The following C8orf34 variants were observed in gnomAD, a reference collection of about 807,000 sequenced individuals.
C8orf34 encodes the protein chromosome 8 open reading frame 34.
C8orf34 carries 65 observed loss-of-function variants against 68.3 expected under a neutral mutation model. The observed-to-expected ratio is 0.95, with a 90% CI of 0.78 to 1.17. The LOEUF is 1.17. Among genes scored for constraint, C8orf34 ranks in the 50% most tolerant of loss-of-function variants. The pLI is 0.00. For synonymous variants in C8orf34, 244 were observed against 241.2 expected (o/e 1.01, Z -0.11); for missense variants, 664 against 655.4 (o/e 1.01, Z -0.14).
intron 7 of C8orf34, among the ~76,000 whole-genome samples, chr8:68,615,523 C>A (rs999924885): frequency 6.6e-6 from 1 of 152,110 alleles, no homozygotes; most frequent in African/African-American, 2.4e-5. Flanking sequence ...TTGTCAAAGG[C>A]CTTTTCTGCA....
intron 7 of C8orf34, among the ~76,000 whole-genome samples, chr8:68,596,719 G>T (rs1005979968): frequency 2.6e-5 from 4 of 152,254 alleles, no homozygotes; most frequent in Middle Eastern, 3.4e-3. Context: ...GGGGCTGGAA[G>T]TAAACCTGCA....
intron 1 of C8orf34, among the ~76,000 whole-genome samples, chr8:68,388,069 T>C (rs567705579): frequency 3.3e-4 from 51 of 152,272 alleles, no homozygotes; most frequent in African/African-American, 1.2e-3. Context: ...TTTCCACTGA[T>C]CTTTTCCAAT....
chr8:68,596,122 T>C (rs1257092911), intron 7 of C8orf34, among the ~76,000 whole-genome samples: 1 of 152,138 alleles, frequency 6.6e-6, no homozygotes, highest in African/African-American at 2.4e-5. Flanking sequence ...TTAGGATTTC[T>C]TTCTCTATTA....
intron 1 of C8orf34, among the ~76,000 whole-genome samples, chr8:68,409,751 C>T (rs548511473): frequency 2.0e-4 from 30 of 152,328 alleles, no homozygotes; most frequent in Non-Finnish European, 3.8e-4. Flanking sequence ...TCGCCACTCA[C>T]TCACTGACTC....
At chr8:68,530,662 T>C in intron 6 of C8orf34, 1 of 1,162,150 alleles carries the variant, frequency 8.6e-7, no homozygotes, top group African/African-American at 1.6e-5. Context: ...TAAATAAACT[T>C]CTTCCTTCCA....
intron 7 of C8orf34, among the ~76,000 whole-genome samples, chr8:68,627,884 A>G (rs983590646): frequency 1.3e-5 from 2 of 152,212 alleles, no homozygotes; most frequent in African/African-American, 4.8e-5. Flanking sequence ...TGATGGTTAC[A>G]TTCAAAGAAA....
At chr8:68,591,677 C>A (rs1455139865) in intron 7 of C8orf34, among the ~76,000 whole-genome samples, 2 of 152,190 alleles carry the variant, frequency 1.3e-5, no homozygotes, top group Non-Finnish European at 2.9e-5. Flanking sequence ...TGAGAAAATA[C>A]TATTTCCCAA....
chr8:68,411,260 C>A (rs886329581), intron 1 of C8orf34, among the ~76,000 whole-genome samples: 1 of 152,114 alleles, frequency 6.6e-6, no homozygotes, highest in African/African-American at 2.4e-5. Flanking sequence ...TCATGAACTG[C>A]ATGGTTTCTA....
chr8:68,709,148 A>T (rs1821261085), intron 9 of C8orf34, 69 bp downstream of exon 9: 2 of 1,211,850 alleles, frequency 1.7e-6, no homozygotes. Flanking sequence ...AGTAAAGGAA[A>T]AAAACTAAAC....
intron 1 of C8orf34, among the ~76,000 whole-genome samples, chr8:68,366,540 C>T (rs1313067014): frequency 6.6e-6 from 1 of 150,972 alleles, no homozygotes; most frequent in East Asian, 2.1e-4. Flanking sequence ...GTACTGGTAC[C>T]AAAACAGAGA....
chr8:68,676,611 T>C (rs1197301845), intron 8 of C8orf34, among the ~76,000 whole-genome samples: 2 of 152,214 alleles, frequency 1.3e-5, no homozygotes, highest in African/African-American at 2.4e-5. Context: ...AAAAGACATA[T>C]GTTAGGCCAA....
chr8:68,492,932 A>G (rs754265606), intron 5 of C8orf34, among the ~76,000 whole-genome samples: 1 of 152,236 alleles, frequency 6.6e-6, no homozygotes, highest in Non-Finnish European at 1.5e-5. Flanking sequence ...TACTAACTAC[A>G]TAGCCTTCAG....
intron 3 of C8orf34, among the ~76,000 whole-genome samples, chr8:68,467,113 A>T (rs1266752307): frequency 1.3e-5 from 2 of 151,878 alleles, no homozygotes; most frequent in Non-Finnish European, 2.9e-5. Flanking sequence ...CTTCCTTTTT[A>T]AATTTGAGGC....
At chr8:68,662,644 T>A (rs1398529517) in intron 8 of C8orf34, among the ~76,000 whole-genome samples, 1 of 152,220 alleles carries the variant, frequency 6.6e-6, no homozygotes, top group East Asian at 1.9e-4. Context: ...CGTGAGTAAA[T>A]TTAACCTCTT....
At chr8:68,462,951 C>A (rs1811915679) in intron 3 of C8orf34, among the ~76,000 whole-genome samples, 1 of 152,004 alleles carries the variant, frequency 6.6e-6, no homozygotes, top group Non-Finnish European at 1.5e-5. Flanking sequence ...CAGAGCAGAA[C>A]TGAAGGAAAT....
chr8:68,448,604 A>G (rs909734283), intron 3 of C8orf34, among the ~76,000 whole-genome samples: 13 of 152,124 alleles, frequency 8.5e-5, no homozygotes, highest in African/African-American at 3.1e-4. Flanking sequence ...TCCTCACAAA[A>G]CAAAGGCAGG....
chr8:68,620,758 A>G (rs1818365266), intron 7 of C8orf34, among the ~76,000 whole-genome samples: 1 of 151,606 alleles, frequency 6.6e-6, no homozygotes, highest in African/African-American at 2.4e-5. Context: ...GATGGCAGAT[A>G]TAAGTGTCCA....
rs569901652 is a variant in C8orf34, at chr8:68,437,391, C to T, written c.328-2108C>T. 2.0e-5 allele frequency among the ~76,000 whole-genome samples: 3 copies of T among 152,260 alleles called. No individual in the cohort carries two copies. In the South Asian group the frequency reaches 6.2e-4, roughly 32 times the overall value. ...GTGGCTTTAAAGTTCCATTACCTGA[C>T]TTAATTTTGCTTTACCTGAGTGTCC... On this transcript the variant is annotated intron_variant, in intron 1 of 13. Coordinates refer to ENST00000518698, the MANE Select transcript of C8orf34 (RefSeq NM_052958.4).
intron 7 of C8orf34, among the ~76,000 whole-genome samples, chr8:68,589,573 TG>T (rs78928466): frequency 0.6 from 77,330 of 129,826 alleles, 21,377 homozygotes; most frequent in African/African-American, 0.64. Context: ...GAGAGAAAGG[TG>T]GGGGAAGGAA....
Sources: gnomAD v4.1 joint callset for allele counts (sites outside exome capture counted in the v4.1 genomes callset) on GRCh38, gnomAD v4.1.1 for gene constraint, MANE v1.5 for transcripts, NCBI Gene and HGNC (gene_info 2026-07-23, HGNC 2026-07-21) for gene names.